The following CAMSAP2 variants were observed in gnomAD, a reference collection of about 807,000 sequenced individuals.
CAMSAP2 encodes calmodulin regulated spectrin associated protein family member 2, also known as calmodulin-regulated spectrin-associated protein 2.
In CAMSAP2, 26 loss-of-function variants were observed where a neutral mutation model predicts 146.1. That is an observed-to-expected ratio of 0.18 (90% CI 0.13 to 0.25). The LOEUF (loss-of-function observed/expected upper bound fraction) is 0.25. Among genes scored for constraint, CAMSAP2 ranks in the 10% least tolerant of loss-of-function variants. The probability of loss-of-function intolerance (pLI) is 1.00; values close to 1 mark genes in which losing one functional copy is unlikely to be tolerated. For missense variants in CAMSAP2, 1,381 were observed against 1,759.3 expected (o/e 0.78, Z 3.85); for synonymous variants, 499 against 596.6 (o/e 0.84, Z 2.38).
chr1:200,777,368 A>G (rs943747514), intron 2 of CAMSAP2, among the ~76,000 whole-genome samples: 2 of 152,180 alleles, frequency 1.3e-5, no homozygotes, highest in African/African-American at 4.8e-5. Context: ...TTGTCTGTAT[A>G]GTAAAGTTGC....
chr1:200,761,089 C>T lies in CAMSAP2; in HGVS notation c.390C>T (p.Pro130=), dbSNP rs1318709052. The T allele has an allele frequency of 1.2e-6, 2 of 1,614,042 alleles. No individual in the cohort carries two copies. The highest frequency in any genetic ancestry group is 1.1e-5 in the South Asian group (1 of 91,072). Residue 130 remains proline (P), a synonymous_variant, in exon 2 of 17, where the codon CCC becomes CCT. Coordinates refer to ENST00000358823, the MANE Select transcript of CAMSAP2 (RefSeq NM_203459.4). ...CTGAACGAGATCTCCACAAGAAACC[C>T]ATACAGATGGTGAGTCTTTATATAC... The part of the protein sequence containing the change: ...LVTERDLHKK[P]IQMSAHLAMI...
chr1:200,836,606 C>T (rs1380222539), intron 6 of CAMSAP2, among the ~76,000 whole-genome samples: 4 of 152,134 alleles, frequency 2.6e-5, no homozygotes, highest in Admixed American at 6.5e-5. Context: ...GGGATATACC[C>T]AGTAATGGGA....
chr1:200,766,778 G>A (rs1337666821), intron 2 of CAMSAP2, among the ~76,000 whole-genome samples: 2 of 152,118 alleles, frequency 1.3e-5, no homozygotes, highest in Admixed American at 1.3e-4. Flanking sequence ...AAGTAGTAAG[G>A]TGGAAGGAAA....
Position 200,853,494 on chromosome 1 carries a change from A to C in CAMSAP2, c.3822A>C (p.Pro1274=). ...ESPKTPIKGP[P]VSSLSLASLN... The stretch of plus-strand genomic sequence containing the variant: ...CCAAAACACCAATAAAGGGTCCTCC[A>C]GGTAACATAGCTTATTATGAAGAGT... The change falls in exon 13 of 17, where the codon CCA becomes CCC. Residue 1274 remains proline (P), a splice_region_variant and synonymous_variant. Transcript: ENST00000358823. This position sits in a 1 kb window ranked among gnomAD's most constrained non-coding sequence, Gnocchi z 5.1. 6.2e-7 allele frequency: 1 copy of C among 1,600,158 alleles called. No individual in the cohort carries two copies.
Position 200,854,888 on chromosome 1 carries a change from A to G in CAMSAP2, c.3895A>G (p.Arg1299Gly). Residue 1299 changes from arginine (R) to glycine (G), a missense_variant and splice_region_variant, in exon 14 of 17, where the codon AGA becomes GGA. Around this residue, in one of 4 missense-constraint regions of CAMSAP2, gnomAD observed 560 missense variants for 715.9 expected, o/e 0.78. Coordinates refer to ENST00000358823, the MANE Select transcript of CAMSAP2 (RefSeq NM_203459.4). Reference sequence around the variant, plus strand: ...TGTACATTCAGGCAAGAGGACGCCAAGGTAAATCTATAACGTATGAATATT... The same window carrying G: ...TGTACATTCAGGCAAGAGGACGCCAGGGTAAATCTATAACGTATGAATATT... ...ESVHSGKRTP[R>G]SESVEGFLSP... 6.2e-7 allele frequency: 1 copy of G among 1,604,858 alleles called. No individual in the cohort carries two copies. Among genetic ancestry groups the G allele is most frequent in the East Asian group, 2.2e-5 (1 of 44,750 alleles).
Position 200,849,818 on chromosome 1 carries a change from A to T in CAMSAP2, c.3049A>T (p.Arg1017Trp). ...ACCAAGTCAAGTTCCTATTCAAACT[A>T]GGTCATTTGTATGTTTTGGGGATGA... Reference protein sequence around the residue: ...FSPSQVPIQTRSFVCFGDDGE... With the variant: ...FSPSQVPIQTWSFVCFGDDGE... The change falls in exon 11 of 17, where the codon AGG becomes TGG. Residue 1017 changes from arginine (R) to tryptophan (W), a missense_variant. By Grantham distance (101) the Arg-to-Trp change is moderately radical. This residue lies in a region of CAMSAP2 where 560 missense variants were observed against 715.9 expected (regional missense o/e 0.78). Coordinates refer to ENST00000358823, the MANE Select transcript of CAMSAP2 (RefSeq NM_203459.4). The surrounding 1 kb of genome is among the most constrained non-coding windows in gnomAD (Gnocchi z 6.3). The T allele has an allele frequency of 6.2e-7, 1 of 1,614,180 alleles. No homozygotes were observed. The highest frequency in any genetic ancestry group is 1.3e-5 in the African/African-American group (1 of 75,042).
intron 8 of CAMSAP2, among the ~76,000 whole-genome samples, chr1:200,846,239 G>GT (rs1180560232): frequency 2.6e-5 from 4 of 152,158 alleles, no homozygotes. Flanking sequence ...AAAACACTCA[G>GT]TGTTCTAGGT....
chr1:200,756,659 A>G (rs1664663937), intron 1 of CAMSAP2, among the ~76,000 whole-genome samples: 1 of 152,182 alleles, frequency 6.6e-6, no homozygotes, highest in African/African-American at 2.4e-5. Flanking sequence ...GGCCCAGAGA[A>G]AACTAAAGTT....
In CAMSAP2 at chr1:200,858,778, A is replaced by G. The variant is rs533747154; in HGVS notation, c.*719A>G. 2.6e-5 allele frequency: 4 copies of G among 152,778 alleles called. No individual in the cohort carries two copies. Among genetic ancestry groups the G allele is most frequent in the African/African-American group, 7.2e-5 (3 of 41,572 alleles). 9.5% of individuals were successfully genotyped at this position (152,778 alleles called of 1,614,324 possible). A position where few individuals can be genotyped will look rare whatever the true frequency, so the allele number is the denominator to read the frequency against. On this transcript the variant is annotated 3_prime_UTR_variant, in exon 17 of 17. Transcript: ENST00000358823. ...AAACCACATGAGCTTAACCAAGAAT[A>G]TGTTATGAGAAGTTGCTGATTAAAT...
At chr1:200,796,538 G>A (rs1665888911) in intron 2 of CAMSAP2, among the ~76,000 whole-genome samples, 1 of 152,042 alleles carries the variant, frequency 6.6e-6, no homozygotes, top group African/African-American at 2.4e-5. Flanking sequence ...ACATTACTTT[G>A]TATACCAATT....
At chr1:200,761,353 A>C (rs1235875574) in intron 2 of CAMSAP2, among the ~76,000 whole-genome samples, 1 of 152,182 alleles carries the variant, frequency 6.6e-6, no homozygotes, top group African/African-American at 2.4e-5. Context: ...TTAATTGAAA[A>C]CTTTTATTTT....
intron 2 of CAMSAP2, among the ~76,000 whole-genome samples, chr1:200,778,142 A>G (rs920530422): frequency 3.3e-5 from 5 of 152,220 alleles, no homozygotes; most frequent in Admixed American, 2.0e-4. Flanking sequence ...CTCCACAAAG[A>G]GGGGGCCATA....
chr1:200,843,414 C>T (rs1291074957), intron 7 of CAMSAP2, among the ~76,000 whole-genome samples: 1 of 152,052 alleles, frequency 6.6e-6, no homozygotes, highest in African/African-American at 2.4e-5. Flanking sequence ...TTCTGAATAT[C>T]GAGTCACTAT....
intron 11 of CAMSAP2, among the ~76,000 whole-genome samples, chr1:200,851,911 C>A (rs531592826): frequency 1.3e-5 from 2 of 152,236 alleles, no homozygotes; most frequent in African/African-American, 4.8e-5. Context: ...TAGGGCTGTC[C>A]CTAAGGATTC....
chr1:200,754,536 T>C (rs967126953), intron 1 of CAMSAP2, among the ~76,000 whole-genome samples: 1 of 151,944 alleles, frequency 6.6e-6, no homozygotes, highest in Non-Finnish European at 1.5e-5. Flanking sequence ...TTTTTTTCCA[T>C]TTGTTTGTTG....
Position 200,860,128 on chromosome 1 carries a change from G to A in CAMSAP2, c.*2069G>A, listed in dbSNP as rs1667842406. The A allele has an allele frequency of 1.3e-5, 2 of 152,722 alleles. No homozygotes were observed. 9.5% of individuals were successfully genotyped at this position (152,722 alleles called of 1,614,324 possible). A position where few individuals can be genotyped will look rare whatever the true frequency, so the allele number is the denominator to read the frequency against. ...AAGGTAGAATGTGAATATTGCCACA[G>A]AGTTCATTGCTCTCAGTATAAGATT... On this transcript the variant is annotated 3_prime_UTR_variant, in exon 17 of 17. Coordinates refer to ENST00000358823, the MANE Select transcript of CAMSAP2 (RefSeq NM_203459.4).
At chr1:200,842,651 A>G (rs1000903957) in intron 7 of CAMSAP2, among the ~76,000 whole-genome samples, 2 of 152,108 alleles carry the variant, frequency 1.3e-5, no homozygotes, top group African/African-American at 2.4e-5. Flanking sequence ...AGCAAAACCA[A>G]TTTTCTCTTG....
At chr1:200,815,029 G>A (rs1246876934) in intron 3 of CAMSAP2, among the ~76,000 whole-genome samples, 1 of 151,494 alleles carries the variant, frequency 6.6e-6, no homozygotes, top group Non-Finnish European at 1.5e-5. Flanking sequence ...AAGAAATTAA[G>A]CTCTCTCCTC....
chr1:200,832,534 T>C lies in CAMSAP2; in HGVS notation c.788-172T>C, dbSNP rs1272681655. 2.0e-5 allele frequency among the ~76,000 whole-genome samples: 3 copies of C among 152,022 alleles called. No homozygotes were observed. Among genetic ancestry groups the C allele is most frequent in the East Asian group, 1.9e-4 (1 of 5,196 alleles). On this transcript the variant is annotated intron_variant, in intron 5 of 16. Coordinates refer to ENST00000358823, the MANE Select transcript of CAMSAP2 (RefSeq NM_203459.4). This position sits in a 1 kb window ranked among gnomAD's most constrained non-coding sequence, Gnocchi z 4.2. ...TTATATATAATTCTGAGGGAGGTAGTTCAAAAAAAAATAGTGCTCGGTTTC... is the reference window on the plus strand; with the variant it reads ...TTATATATAATTCTGAGGGAGGTAGCTCAAAAAAAAATAGTGCTCGGTTTC...
Sources: gnomAD v4.1 joint callset for allele counts (sites outside exome capture counted in the v4.1 genomes callset) on GRCh38, gnomAD v4.1.1 for gene constraint, gnomAD v4.1.1 regional missense constraint, Gnocchi (gnomAD v3.1) non-coding constraint, MANE v1.5 for transcripts, NCBI Gene and HGNC (gene_info 2026-07-23, HGNC 2026-07-21) for gene names.